The following USH2A variants were observed in gnomAD, a reference collection of about 807,000 sequenced individuals.
USH2A encodes usherin.
In USH2A, 443 loss-of-function variants were observed where a neutral mutation model predicts 538.9. The observed-to-expected ratio is 0.82, with a 90% CI of 0.76 to 0.89. USH2A has a LOEUF of 0.89. Ranked by LOEUF, USH2A falls within the 40% of genes least tolerant of loss-of-function variation. The pLI is 0.00. For missense variants in USH2A, 6,633 were observed against 6,324.8 expected (o/e 1.05, Z -1.65); for synonymous variants, 2,413 against 2,273.5 (o/e 1.06, Z -1.75).
intron 70 of USH2A, among the ~76,000 whole-genome samples, chr1:215,633,355 C>T (rs959138082): frequency 6.6e-6 from 1 of 152,146 alleles, no homozygotes; most frequent in Admixed American, 6.5e-5. Context: ...ACGTCATTGT[C>T]CCATTGCTAC....
chr1:215,930,401 T>TG (rs1160220503), intron 38 of USH2A, among the ~76,000 whole-genome samples: 1 of 151,824 alleles, frequency 6.6e-6, no homozygotes, highest in African/African-American at 2.4e-5. Flanking sequence ...TCAGTTCATC[T>TG]GGAAAAAAAA....
intron 11 of USH2A, among the ~76,000 whole-genome samples, chr1:216,267,020 G>A (rs1054950691): frequency 6.6e-6 from 1 of 151,790 alleles, no homozygotes; most frequent in Non-Finnish European, 1.5e-5. Context: ...GTGTATAATT[G>A]GTATTTGAAG....
intron 11 of USH2A, among the ~76,000 whole-genome samples, chr1:216,281,876 T>TG (rs1558361756): frequency 6.7e-6 from 1 of 148,500 alleles, no homozygotes; most frequent in Non-Finnish European, 1.5e-5. Context: ...TTTTTTTTTT[T>TG]TTTTTTTTTT....
At position 215,625,073 on chromosome 1, in the gene USH2A, ATAAG is replaced by A. The variant is rs1655965879; in HGVS notation, c.*704_*707del. On this transcript the variant is annotated 3_prime_UTR_variant, in exon 72 of 72. Coordinates refer to ENST00000307340, the MANE Select transcript of USH2A (RefSeq NM_206933.4). ...TTTGTTTTCTCCTCAAAATGTATAA[ATAAG>A]CTGTTTACTCCTTAGATTTTTGGAA... The A allele has an allele frequency of 6.6e-6, 1 of 152,278 alleles. No individual in the cohort carries two copies. The highest frequency in any genetic ancestry group is 1.5e-5 in the Non-Finnish European group (1 of 68,076). The allele number at this position is 152,278 out of a possible 1,614,324, so 9.4% of individuals were successfully genotyped here.
chr1:215,719,935 G>A (rs1341066812), intron 61 of USH2A, among the ~76,000 whole-genome samples: 9 of 152,154 alleles, frequency 5.9e-5, no homozygotes, highest in Admixed American at 5.9e-4. Flanking sequence ...GAAGAGAGAG[G>A]ACTCAAAAAT....
intron 4 of USH2A, among the ~76,000 whole-genome samples, chr1:216,338,031 G>T (rs1402858263): frequency 6.7e-6 from 1 of 150,322 alleles, no homozygotes; most frequent in South Asian, 2.1e-4. Context: ...TAAATAAATA[G>T]AATGATATAC....
chr1:216,182,115 T>C (rs2034505709), intron 20 of USH2A, among the ~76,000 whole-genome samples: 1 of 152,102 alleles, frequency 6.6e-6, no homozygotes, highest in African/African-American at 2.4e-5. Flanking sequence ...TATGTCCATG[T>C]GGGAGAAAAT....
intron 3 of USH2A, among the ~76,000 whole-genome samples, chr1:216,395,304 A>T (rs1400142133): frequency 6.6e-6 from 1 of 152,220 alleles, no homozygotes. Flanking sequence ...TAAGTAACTT[A>T]ACATTATTGG....
chr1:215,997,834 T>C (rs1168265509), intron 34 of USH2A, among the ~76,000 whole-genome samples: 1 of 152,150 alleles, frequency 6.6e-6, no homozygotes, highest in Non-Finnish European at 1.5e-5. Flanking sequence ...TAATGGGTAA[T>C]AAAACTGTAC....
chr1:215,875,878 A>T (rs1011422057), intron 43 of USH2A, among the ~76,000 whole-genome samples: 2 of 146,170 alleles, frequency 1.4e-5, no homozygotes, highest in African/African-American at 5.0e-5. Context: ...AATTATATAT[A>T]TTATTAATTA....
At chr1:215,944,070 A>AT (rs1193088490) in intron 37 of USH2A, among the ~76,000 whole-genome samples, 4 of 152,196 alleles carry the variant, frequency 2.6e-5, no homozygotes, top group African/African-American at 9.6e-5. Flanking sequence ...GAAGATTGAA[A>AT]TATCCAAGGA....
intron 3 of USH2A, among the ~76,000 whole-genome samples, chr1:216,400,119 A>T (rs2039280817): frequency 6.6e-6 from 1 of 152,082 alleles, no homozygotes; most frequent in Non-Finnish European, 1.5e-5. Flanking sequence ...TCAGGCAAGG[A>T]TTTTAAACCA....
intron 4 of USH2A, among the ~76,000 whole-genome samples, chr1:216,329,106 A>G (rs917011090): frequency 6.6e-6 from 1 of 152,102 alleles, no homozygotes; most frequent in African/African-American, 2.4e-5. Context: ...ATCTATCCTA[A>G]AACAGGCAGC....
rs780727888 is a variant in USH2A at position 216,321,883 on chromosome 1, A to T, written c.1644T>A (p.His548Gln). 52 of 1,613,488 alleles carry T rather than the reference A, an allele frequency of 3.2e-5. No homozygotes were observed. Among genetic ancestry groups the T allele is most frequent in the Non-Finnish European group, 4.4e-5 (52 of 1,179,488 alleles). ...CSQESFTEGL[H>Q]CDRCLPLYND... ...TTTCCATGCATAAAATAGAACTCAC[A>T]TGAAGTCCTTCAGTGAAGCTCTCCT... The change falls in exon 9 of 72, where the codon CAT becomes CAA. Residue 548 changes from histidine to glutamine, a missense_variant and splice_region_variant. Physicochemically the swap from His to Gln is conservative, Grantham distance 24. Coordinates refer to ENST00000307340, the MANE Select transcript of USH2A (RefSeq NM_206933.4).
chr1:216,180,140 T>G (rs1471204815), intron 20 of USH2A, among the ~76,000 whole-genome samples: 2 of 152,106 alleles, frequency 1.3e-5, no homozygotes, highest in Non-Finnish European at 2.9e-5. Flanking sequence ...ATCTTTCAAA[T>G]TATGTATGAT....
chr1:216,178,177 G>A (rs1386565644), intron 20 of USH2A, among the ~76,000 whole-genome samples: 1 of 152,092 alleles, frequency 6.6e-6, no homozygotes, highest in Non-Finnish European at 1.5e-5. Context: ...AAAAGAAAAG[G>A]CACTGAGCAA....
At chr1:215,627,437 C>T (rs71517303) in intron 71 of USH2A, among the ~76,000 whole-genome samples, 8,629 of 49,164 alleles carry the variant, frequency 0.18, 404 homozygotes, top group African/African-American at 0.26. Flanking sequence ...TCCTTCCTTC[C>T]TTCCTTCCTT....
chr1:215,900,729 T>A (rs757603003), intron 39 of USH2A, 26 bp downstream of exon 39: 15 of 1,613,262 alleles, frequency 9.3e-6, no homozygotes, highest in Non-Finnish European at 1.2e-5. Context: ...ACCCAGCTGA[T>A]AGAATGGACA....
intron 21 of USH2A, among the ~76,000 whole-genome samples, chr1:216,118,370 C>A (rs2033056888): frequency 6.6e-6 from 1 of 152,080 alleles, no homozygotes; most frequent in Non-Finnish European, 1.5e-5. Flanking sequence ...CCTTGAATAC[C>A]TGCAAAGTCC....
Sources: allele counts gnomAD v4.1 joint callset (sites outside exome capture counted in the v4.1 genomes callset), GRCh38; gene constraint gnomAD v4.1.1; transcripts MANE v1.5; gene names NCBI Gene and HGNC (gene_info 2026-07-23, HGNC 2026-07-21).